The following ING4 variants were observed in gnomAD, a reference collection of about 807,000 sequenced individuals.
ING4 encodes inhibitor of growth family member 4.
A neutral mutation model predicts 33.1 loss-of-function variants in ING4; 28 were observed. That is an observed-to-expected ratio of 0.85 (90% CI 0.63 to 1.16). ING4 has a LOEUF of 1.16. Among genes scored for constraint, ING4 ranks in the 50% most tolerant of loss-of-function variants. ING4 has a pLI of 0.00. For missense variants in ING4, 247 were observed against 314.7 expected, an observed-to-expected ratio of 0.78 and a Z score of 1.63; for synonymous variants, 87 against 104.4, an observed-to-expected ratio of 0.83 and a Z score of 1.02.
chr12:6,653,666 C>T (rs575045780), intron 2 of ING4, among the ~76,000 whole-genome samples: 30 of 152,296 alleles, frequency 2.0e-4, no homozygotes, highest in Admixed American at 1.6e-3. Context: ...TTGCACACCA[C>T]ATTAATATGA....
At chr12:6,655,345 C>G (rs2136271978) in intron 2 of ING4, among the ~76,000 whole-genome samples, 1 of 152,270 alleles carries the variant, frequency 6.6e-6, no homozygotes, top group Admixed American at 6.5e-5. Flanking sequence ...CACCCGGCCC[C>G]AAATGTTTTA....
intron 2 of ING4, among the ~76,000 whole-genome samples, chr12:6,655,443 G>A (rs1438425990): frequency 6.6e-6 from 1 of 152,244 alleles, no homozygotes; most frequent in Non-Finnish European, 1.5e-5. Context: ...TCAGTAGTAA[G>A]AGACAAGTCT....
At chr12:6,655,375 G>A (rs980118637) in intron 2 of ING4, among the ~76,000 whole-genome samples, 1 of 152,182 alleles carries the variant, frequency 6.6e-6, no homozygotes. Flanking sequence ...GAATGGTAAT[G>A]TCCCAGGACA....
At chr12:6,661,418 T>TG (rs1430252985) in intron 1 of ING4, among the ~76,000 whole-genome samples, 1 of 148,008 alleles carries the variant, frequency 6.8e-6, no homozygotes, top group African/African-American at 2.5e-5. Flanking sequence ...TTTTTTTTTT[T>TG]TTTTTTTTTT....
In ING4 at chr12:6,652,325, A is replaced by G. The variant is rs1295056020; in HGVS notation, c.591T>C (p.Tyr197=). ...CATAGGAGACCTGGTGACAAAGGCA[A>G]TAGGTGGGTTCGTTGGGATCCACAG... The part of the protein sequence containing the change: ...DMPVDPNEPT[Y]CLCHQVSYGE... Residue 197 remains tyrosine, a synonymous_variant, in exon 6 of 8, where the codon TAT becomes TAC. Transcript: ENST00000341550. The G allele has an allele frequency of 1.9e-6, 3 of 1,614,046 alleles. No individual in the cohort carries two copies. Among genetic ancestry groups the G allele is most frequent in the Non-Finnish European group, 2.5e-6 (3 of 1,180,030 alleles).
Position 6,650,855 on chromosome 12 carries a change from C to G in ING4, c.*340G>C, listed in dbSNP as rs1252472240. On this transcript the variant is annotated 3_prime_UTR_variant, in exon 8 of 8. Coordinates refer to ENST00000341550, the MANE Select transcript of ING4 (RefSeq NM_016162.4). ...TCTGGGGGACTGCCCCCATGCTATG[C>G]CCCAGTCCTTAAATACAAAGCAAGG... 2.7e-6 allele frequency: 1 copy of G among 370,698 alleles called. No individual in the cohort carries two copies. The highest frequency in any genetic ancestry group is 5.4e-5 in the East Asian group (1 of 18,660). 23.0% of individuals were successfully genotyped at this position (370,698 alleles called of 1,614,324 possible).
At chr12:6,658,002 C>T (rs1949423831) in intron 1 of ING4, 1 of 151,588 alleles carries the variant, frequency 6.6e-6, no homozygotes, top group South Asian at 2.1e-4. Context: ...CTCTGTTGCC[C>T]AGGCTGGAGT....
intron 1 of ING4, 141 bp downstream of exon 1, chr12:6,662,924 G>C: frequency 2.3e-6 from 2 of 868,092 alleles, no homozygotes; most frequent in Non-Finnish European, 3.6e-6. Context: ...CTCTTTCTCC[G>C]CACCCTCCAA....
Position 6,652,315 on chromosome 12 carries a change from G to A in ING4, c.601C>T (p.His201Tyr). The change falls in exon 6 of 8, where the codon CAC (histidine) becomes TAC (tyrosine). Residue 201 changes from histidine to tyrosine, a missense_variant. Physicochemically the swap from His to Tyr is moderately conservative, Grantham distance 83. This residue lies in a region of ING4 where 11 missense variants were observed against 43.8 expected (regional missense o/e 0.25). Coordinates refer to ENST00000341550, the MANE Select transcript of ING4 (RefSeq NM_016162.4). ...DPNEPTYCLC[H>Y]QVSYGEMIGC... is the part of the protein sequence containing the mutation. Reference sequence around the variant, plus strand: ...ATCATCTCTCCATAGGAGACCTGGTGACAAAGGCAATAGGTGGGTTCGTTG... The same window carrying A: ...ATCATCTCTCCATAGGAGACCTGGTAACAAAGGCAATAGGTGGGTTCGTTG... 6.2e-7 allele frequency: 1 copy of A among 1,614,144 alleles called. No individual in the cohort carries two copies. The highest frequency in any genetic ancestry group is 8.5e-7 in the Non-Finnish European group (1 of 1,180,044).
chr12:6,663,040 AC>A (rs779253099), intron 1 of ING4, 24 bp downstream of exon 1: 9 of 1,612,314 alleles, frequency 5.6e-6, no homozygotes, highest in African/African-American at 1.3e-5. Flanking sequence ...TGCAGCCCCG[AC>A]CCCCACCTCC....
chr12:6,661,093 C>CTTTTTG (rs941978273), intron 1 of ING4, among the ~76,000 whole-genome samples: 2 of 149,418 alleles, frequency 1.3e-5, no homozygotes, highest in African/African-American at 5.0e-5. Context: ...CGCTCCCAGC[C>CTTTTTG]TTTTTGTTTT....
rs1484764878 is a variant in ING4 at position 6,656,805 on chromosome 12, AAG to A, written c.38-9_38-8del. ...AAGGGAAGGTTTTCAATACCTAGGG[AAG>A]AGAGAGAAACAATCACAGGACTGAC... On this transcript the variant is annotated splice_region_variant and splice_polypyrimidine_tract_variant and intron_variant, in intron 1 of 7. Transcript: ENST00000341550. 1 of 1,530,754 alleles carries A rather than the reference AAG, an allele frequency of 6.5e-7. No individual in the cohort carries two copies. Among genetic ancestry groups the A allele is most frequent in the Non-Finnish European group, 8.8e-7 (1 of 1,132,644 alleles). The allele number at this position is 1,530,754 out of a possible 1,614,324, so 94.8% of individuals were successfully genotyped here.
rs776929757 is a variant in ING4, at chr12:6,651,166, G to C, written c.*29C>G. The C allele has an allele frequency of 6.2e-7, 1 of 1,613,528 alleles. No individual in the cohort carries two copies. The highest frequency in any genetic ancestry group is 2.2e-5 in the East Asian group (1 of 44,896). On this transcript the variant is annotated 3_prime_UTR_variant, in exon 8 of 8. Coordinates refer to ENST00000341550, the MANE Select transcript of ING4 (RefSeq NM_016162.4). Reference sequence around the variant, plus strand: ...CTAGCCCAAGTCAGGGGATGTGGAAGAAACTGTGTTGGAATCCAAGGCCCT... The same window carrying C: ...CTAGCCCAAGTCAGGGGATGTGGAACAAACTGTGTTGGAATCCAAGGCCCT...
chr12:6,654,988 G>A (rs1358973179), intron 2 of ING4, among the ~76,000 whole-genome samples: 1 of 152,024 alleles, frequency 6.6e-6, no homozygotes, highest in Non-Finnish European at 1.5e-5. Context: ...GCCTCCCAAA[G>A]TACTGGGATT....
Position 6,653,300 on chromosome 12 carries a change from T to C in ING4, c.206A>G (p.Gln69Arg), listed in dbSNP as rs763504655. Residue 69 changes from glutamine to arginine, a missense_variant, in exon 3 of 8, where the codon CAG (glutamine) becomes CGG (arginine). This residue lies in a region of ING4 where 198 missense variants were observed against 221.2 expected (regional missense o/e 0.89). Transcript: ENST00000341550. ...EEKLALLKQI[Q>R]EAYGKCKEFG... ...TTCCTTGCACTTGCCATAGGCTTCC[T>C]GGATCTGTTTGAGAAGGGCCAATTT... The C allele has an allele frequency of 1.4e-5, 23 of 1,614,194 alleles. No individual in the cohort carries two copies. The South Asian group carries it at 2.5e-4, about 18-fold the overall frequency.
In ING4 at chr12:6,663,102, C is replaced by T; in HGVS notation, c.-1G>A. On this transcript the variant is annotated 5_prime_UTR_variant, in exon 1 of 8. Coordinates refer to ENST00000341550, the MANE Select transcript of ING4 (RefSeq NM_016162.4). ...GTTCCAAATACATCCCCGCAGCCAT[C>T]TCGAAGCAAAACAAAGCAACTTCCG... is the stretch of plus-strand genomic sequence containing the variant. 3 of 1,614,220 alleles carry T rather than the reference C, an allele frequency of 1.9e-6. No homozygotes were observed. In the East Asian group the frequency reaches 6.7e-5, roughly 36 times the overall value.
In ING4 at chr12:6,652,164, T is replaced by C. The variant is rs988485200; in HGVS notation, c.645+107A>G. 8.9e-6 allele frequency: 12 copies of C among 1,341,662 alleles called. No individual in the cohort carries two copies. The African/African-American group carries it at 1.6e-4, about 18-fold the overall frequency. The allele number at this position is 1,341,662 out of a possible 1,614,324, so 83.1% of individuals were successfully genotyped here. A position where few individuals can be genotyped will look rare whatever the true frequency, so the allele number is the denominator to read the frequency against. ...CAAGAGCTACTACGTCCAGCCCATC[T>C]TTCTTCTATTCTGAAGTCCCAGTAC... On this transcript the variant is annotated intron_variant, in intron 6 of 7. Coordinates refer to ENST00000341550, the MANE Select transcript of ING4 (RefSeq NM_016162.4).
chr12:6,654,881 C>T (rs1949305660), intron 2 of ING4, among the ~76,000 whole-genome samples: 1 of 151,984 alleles, frequency 6.6e-6, no homozygotes, highest in Non-Finnish European at 1.5e-5. Flanking sequence ...TGCGCCACCA[C>T]ATCTGGCTAA....
rs889410011 is a variant in ING4, at chr12:6,659,284, G to A, written c.38-2486C>T. ...AAATACAAAAATTAGGGCCAGGCAC[G>A]GTGGCTCATGCCTGTAATTCTAGCA... On this transcript the variant is annotated intron_variant, in intron 1 of 7. Coordinates refer to ENST00000341550, the MANE Select transcript of ING4 (RefSeq NM_016162.4). 9.2e-5 allele frequency among the ~76,000 whole-genome samples: 14 copies of A among 152,172 alleles called. No individual in the cohort carries two copies. The South Asian group carries it at 1.2e-3, about 14-fold the overall frequency.
Sources: gnomAD v4.1 joint callset for allele counts (sites outside exome capture counted in the v4.1 genomes callset) on GRCh38, gnomAD v4.1.1 for gene constraint, gnomAD v4.1.1 regional missense constraint, MANE v1.5 for transcripts, NCBI Gene and HGNC (gene_info 2026-07-23, HGNC 2026-07-21) for gene names.